The following SLC4A7 variants were observed in gnomAD, a reference collection of about 807,000 sequenced individuals.
The protein encoded by SLC4A7 is solute carrier family 4 member 7, also known as sodium bicarbonate cotransporter 3.
A neutral mutation model predicts 137.6 loss-of-function variants in SLC4A7; 51 were observed. The observed-to-expected ratio is 0.37, with a 90% CI of 0.30 to 0.47. SLC4A7 has a LOEUF of 0.47. Ranked by LOEUF, SLC4A7 falls within the 20% of genes least tolerant of loss-of-function variation. The pLI, the probability that SLC4A7 is intolerant of heterozygous loss-of-function variation, is 1.00. For synonymous variants in SLC4A7, 542 were observed against 518.6 expected (o/e 1.05, Z -0.61); for missense variants, 1,247 against 1,525.4 (o/e 0.82, Z 3.04).
intron 1 of SLC4A7, among the ~76,000 whole-genome samples, chr3:27,458,436 T>C (rs1450469435): frequency 2.0e-5 from 3 of 152,170 alleles, no homozygotes; most frequent in South Asian, 2.1e-4. Context: ...TAACAGGTGA[T>C]AGACATGTCA....
intron 1 of SLC4A7, among the ~76,000 whole-genome samples, chr3:27,465,314 C>T (rs1553718156): frequency 7.4e-6 from 1 of 135,670 alleles, no homozygotes; most frequent in African/African-American, 2.7e-5. Context: ...AAAAAACCCA[C>T]AAACCTACAA....
chr3:27,410,954 T>C (rs2150215597), intron 12 of SLC4A7, among the ~76,000 whole-genome samples: 1 of 152,222 alleles, frequency 6.6e-6, no homozygotes, highest in Admixed American at 6.5e-5. Context: ...TCCCTGTTTT[T>C]TTTACACAAA....
chr3:27,447,640 CT>C (rs71087609), intron 3 of SLC4A7, among the ~76,000 whole-genome samples: 231 of 99,708 alleles, frequency 2.3e-3, no homozygotes, highest in African/African-American at 6.3e-3. Flanking sequence ...TTTTACAGCC[CT>C]TTTTTTTTTT....
intron 23 of SLC4A7, 129 bp downstream of exon 23, chr3:27,385,763 A>G (rs1431952581): frequency 4.7e-6 from 3 of 637,542 alleles, no homozygotes; most frequent in Non-Finnish European, 7.8e-6. Flanking sequence ...AGTACCTACT[A>G]CACTTTTATA....
intron 15 of SLC4A7, 94 bp downstream of exon 15, chr3:27,403,045 T>C (rs1426232627): frequency 1.6e-6 from 2 of 1,214,342 alleles, no homozygotes; most frequent in Non-Finnish European, 2.3e-6. Context: ...TATAGCTAGT[T>C]ACACTATCAC....
chr3:27,446,659 A>C (rs1215363129), intron 3 of SLC4A7, among the ~76,000 whole-genome samples: 1 of 152,124 alleles, frequency 6.6e-6, no homozygotes, highest in Non-Finnish European at 1.5e-5. Flanking sequence ...AGAAGAACCT[A>C]GGATATCCTA....
chr3:27,397,161 G>A (rs771028867), intron 18 of SLC4A7, among the ~76,000 whole-genome samples: 10 of 151,898 alleles, frequency 6.6e-5, no homozygotes, highest in African/African-American at 9.7e-5. Flanking sequence ...CCCGAGTAGC[G>A]GGATTACAGG....
chr3:27,385,682 G>A (rs541657105), intron 23 of SLC4A7, among the ~76,000 whole-genome samples: 13 of 152,220 alleles, frequency 8.5e-5, no homozygotes, highest in African/African-American at 2.4e-4. Context: ...AAATGGTGAA[G>A]AGACTACATT....
At chr3:27,395,644 G>A (rs2052075705) in intron 18 of SLC4A7, among the ~76,000 whole-genome samples, 1 of 152,136 alleles carries the variant, frequency 6.6e-6, no homozygotes, top group Non-Finnish European at 1.5e-5. Flanking sequence ...ATGAATGAAG[G>A]CATATTGCCC....
At chr3:27,387,472 A>G (rs1559631750) in intron 22 of SLC4A7, among the ~76,000 whole-genome samples, 1 of 151,792 alleles carries the variant, frequency 6.6e-6, no homozygotes, top group Admixed American at 6.6e-5. Flanking sequence ...CAATGACACC[A>G]CCCCCCACCC....
At chr3:27,458,775 G>A (rs1033188317) in intron 1 of SLC4A7, among the ~76,000 whole-genome samples, 3 of 152,284 alleles carry the variant, frequency 2.0e-5, no homozygotes, top group African/African-American at 7.2e-5. Flanking sequence ...CAGATTACCT[G>A]AGGTCAGGTT....
chr3:27,453,668 G>C (rs2058231073), intron 1 of SLC4A7, among the ~76,000 whole-genome samples: 1 of 152,160 alleles, frequency 6.6e-6, no homozygotes, highest in Non-Finnish European at 1.5e-5. Context: ...GAAACCCTCG[G>C]TGTCCAAATT....
In SLC4A7 at chr3:27,425,472, T is replaced by C. The variant is rs550762753; in HGVS notation, c.1151-1320A>G. Among the ~76,000 whole-genome samples the C allele has an allele frequency of 4.8e-3, 706 of 148,352 alleles. 2 individuals are homozygous for C. Among genetic ancestry groups the C allele is most frequent in the Admixed American group, 7.5e-3 (111 of 14,820 alleles). On this transcript the variant is annotated intron_variant, in intron 7 of 25. Transcript: ENST00000454389. ...CGGACGGATCACCTGAGGCTGGGAG[T>C]TCGAGACCAGCCTGACCAACATGGA...
At chr3:27,455,041 G>A (rs4973774) in intron 1 of SLC4A7, among the ~76,000 whole-genome samples, 22,079 of 150,632 alleles carry the variant, frequency 0.15, 1,847 homozygotes, top group South Asian at 0.27. Flanking sequence ...TCCTCTCATG[G>A]TCTACACAGG....
rs2049919876 is a variant in SLC4A7 at position 27,376,685 on chromosome 3, A to ATGT, written c.*78_*79insACA. 1.2e-6 allele frequency: 1 copy of ATGT among 867,628 alleles called. No homozygotes were observed. Among genetic ancestry groups the ATGT allele is most frequent in the Non-Finnish European group, 1.8e-6 (1 of 540,642 alleles). The allele number at this position is 867,628 out of a possible 1,614,324, so 53.7% of individuals were successfully genotyped here. On this transcript the variant is annotated 3_prime_UTR_variant, in exon 26 of 26. Transcript: ENST00000454389. ...TCACACATAAACAGCATGACATACAATATTCTTATATATAGTGACATGATA... is the reference window on the plus strand; with the variant it reads ...TCACACATAAACAGCATGACATACAATGTTATTCTTATATATAGTGACATGATA...
At chr3:27,383,106 C>T (rs375745025) in intron 24 of SLC4A7, 47 bp downstream of exon 24, 12 of 1,038,370 alleles carry the variant, frequency 1.2e-5, no homozygotes, top group Non-Finnish European at 1.6e-5. Flanking sequence ...CTTATTAATA[C>T]ATTTGACATG....
At chr3:27,406,854 C>G (rs770754964) in intron 13 of SLC4A7, among the ~76,000 whole-genome samples, 5 of 151,820 alleles carry the variant, frequency 3.3e-5, no homozygotes, top group African/African-American at 4.8e-5. Flanking sequence ...CCAGTGAGGT[C>G]AAAACTACAG....
At chr3:27,394,854 A>G (rs2051975009) in intron 19 of SLC4A7, 85 bp from the exon 20 acceptor site, 1 of 1,545,218 alleles carries the variant, frequency 6.5e-7, no homozygotes, top group African/African-American at 1.4e-5. Flanking sequence ...AAGAGGGAAG[A>G]AGCTAATTTT....
chr3:27,477,848 C>T (rs1452751561), intron 1 of SLC4A7, among the ~76,000 whole-genome samples: 1 of 152,066 alleles, frequency 6.6e-6, no homozygotes, highest in Non-Finnish European at 1.5e-5. Context: ...CTCCTGAGCT[C>T]AGGCAATCCA....
Sources: gnomAD v4.1 joint callset for allele counts (sites outside exome capture counted in the v4.1 genomes callset) on GRCh38, gnomAD v4.1.1 for gene constraint, MANE v1.5 for transcripts, NCBI Gene and HGNC (gene_info 2026-07-23, HGNC 2026-07-21) for gene names.